The following PTPRR variants were observed in gnomAD, a reference collection of about 807,000 sequenced individuals.
PTPRR encodes the protein protein tyrosine phosphatase receptor type R.
Under a neutral mutation model 77.2 loss-of-function variants are expected in PTPRR, and 38 were observed. The ratio of observed to expected loss-of-function variants is 0.49; its 90% CI spans 0.38 to 0.65. The LOEUF is 0.65. Among genes scored for constraint, PTPRR ranks in the 30% least tolerant of loss-of-function variants. The pLI is 0.00. For synonymous variants in PTPRR, 299 were observed against 283.1 expected (o/e 1.06, Z -0.57); for missense variants, 744 against 799.2 (o/e 0.93, Z 0.83).
intron 2 of PTPRR, among the ~76,000 whole-genome samples, chr12:70,786,336 C>T (rs1377046737): frequency 1.3e-5 from 2 of 152,116 alleles, no homozygotes; most frequent in Non-Finnish European, 2.9e-5. Flanking sequence ...AATAATAATC[C>T]TTCAGCCCCC....
rs766564058 is a variant in PTPRR at position 70,656,779 on chromosome 12, G to A, written c.1805C>T (p.Ser602Phe). The change falls in exon 13 of 14, where the codon TCC (serine) becomes TTC (phenylalanine). Residue 602 changes from serine to phenylalanine, a missense_variant. Coordinates refer to ENST00000283228, the MANE Select transcript of PTPRR (RefSeq NM_002849.4). ...IGRTGCFIAT[S>F]IGCQQLKEEG... ...TTCTTTCAGCTGTTGACAGCCAATG[G>A]ATGTAGCAATAAAACACCCTGTTCT... is the stretch of plus-strand genomic sequence containing the variant. The A allele has an allele frequency of 6.2e-7, 1 of 1,613,794 alleles. No homozygotes were observed. The highest frequency in any genetic ancestry group is 2.2e-5 in the East Asian group (1 of 44,872).
intron 1 of PTPRR, 137 bp from the exon 2 acceptor site, chr12:70,893,114 TTGTC>T (rs758581225): frequency 6.3e-6 from 6 of 951,048 alleles, no homozygotes; most frequent in Non-Finnish European, 9.2e-6. Context: ...CCATATTTCT[TTGTC>T]TGCTTCATGA....
chr12:70,794,675 G>C (rs1351330870), intron 2 of PTPRR, among the ~76,000 whole-genome samples: 2 of 152,202 alleles, frequency 1.3e-5, no homozygotes, highest in Non-Finnish European at 2.9e-5. Context: ...GCCTCCGACA[G>C]CTGATCAATA....
At chr12:70,745,680 A>G (rs1890189342) in intron 6 of PTPRR, 138 bp downstream of exon 6, 1 of 1,007,354 alleles carries the variant, frequency 9.9e-7, no homozygotes, top group Non-Finnish European at 1.4e-6. Context: ...GACAAGAAAC[A>G]CTACTTCATC....
chr12:70,793,098 A>C (rs890882842), intron 2 of PTPRR, among the ~76,000 whole-genome samples: 3 of 152,214 alleles, frequency 2.0e-5, no homozygotes, highest in African/African-American at 4.8e-5. Context: ...ACAGATCATC[A>C]TATCAATTTG....
chr12:70,841,638 TAA>T (rs1400169455), intron 2 of PTPRR, among the ~76,000 whole-genome samples: 3 of 152,176 alleles, frequency 2.0e-5, no homozygotes, highest in African/African-American at 7.2e-5. Flanking sequence ...AAGTAAACAT[TAA>T]GTCTGACTTT....
At chr12:70,803,402 G>A (rs1365353203) in intron 2 of PTPRR, among the ~76,000 whole-genome samples, 1 of 152,134 alleles carries the variant, frequency 6.6e-6, no homozygotes, top group African/African-American at 2.4e-5. Flanking sequence ...AAGTCAATAT[G>A]TCCAGAGTTG....
chr12:70,760,704 C>G (rs1890671868), intron 4 of PTPRR, among the ~76,000 whole-genome samples: 1 of 152,178 alleles, frequency 6.6e-6, no homozygotes, highest in Non-Finnish European at 1.5e-5. Context: ...TTGAGGGAGT[C>G]ACTTAATTTC....
intron 2 of PTPRR, among the ~76,000 whole-genome samples, chr12:70,768,490 T>C (rs1292223812): frequency 2.0e-5 from 3 of 151,966 alleles, no homozygotes; most frequent in South Asian, 2.1e-4. Flanking sequence ...AGACCAAAAA[T>C]AGGATCTGAA....
chr12:70,667,128 T>C (rs772360271), intron 10 of PTPRR, among the ~76,000 whole-genome samples: 20 of 151,842 alleles, frequency 1.3e-4, no homozygotes, highest in Non-Finnish European at 1.6e-4. Flanking sequence ...GCTAATTTTT[T>C]GTATTTTTTA....
At chr12:70,654,955 T>C (rs1456626963) in intron 13 of PTPRR, among the ~76,000 whole-genome samples, 2 of 152,188 alleles carry the variant, frequency 1.3e-5, no homozygotes, top group Non-Finnish European at 2.9e-5. Flanking sequence ...AACAAAACTC[T>C]TGTTCCACTG....
chr12:70,826,005 C>A (rs1044536307), intron 2 of PTPRR, among the ~76,000 whole-genome samples: 13 of 152,072 alleles, frequency 8.5e-5, no homozygotes, highest in African/African-American at 2.9e-4. Context: ...GATTATTGAT[C>A]TTTTCAGAAA....
At chr12:70,743,174 C>A (rs537301630) in intron 6 of PTPRR, among the ~76,000 whole-genome samples, 1 of 151,656 alleles carries the variant, frequency 6.6e-6, no homozygotes, top group Non-Finnish European at 1.5e-5. Flanking sequence ...TGGAGGAGAC[C>A]GAAGGTAGCC....
At chr12:70,717,080 T>A (rs1889058615) in intron 6 of PTPRR, among the ~76,000 whole-genome samples, 1 of 152,226 alleles carries the variant, frequency 6.6e-6, no homozygotes. Context: ...GAATATTCTT[T>A]GTTTCTCTAA....
rs188166584 is a variant in PTPRR at position 70,900,295 on chromosome 12, T to C, written c.59-7318A>G. 5.3e-3 allele frequency among the ~76,000 whole-genome samples: 805 copies of C among 151,520 alleles called. 5 individuals carry two copies. Among genetic ancestry groups the C allele is most frequent in the African/African-American group, 0.016 (675 of 41,452 alleles). ...AGGTAGTGTAGTGTTGGCAAAGAAATAGACAAACAGATCAATGGTGCAAAA... is the reference window on the plus strand; with the variant it reads ...AGGTAGTGTAGTGTTGGCAAAGAAACAGACAAACAGATCAATGGTGCAAAA... On this transcript the variant is annotated intron_variant, in intron 1 of 13. Coordinates refer to ENST00000283228, the MANE Select transcript of PTPRR (RefSeq NM_002849.4).
chr12:70,842,428 G>C (rs968888027), intron 2 of PTPRR, among the ~76,000 whole-genome samples: 2 of 152,148 alleles, frequency 1.3e-5, no homozygotes, highest in Non-Finnish European at 2.9e-5. Flanking sequence ...CCACAAAATA[G>C]GTGGCTTAAA....
At chr12:70,646,128 G>A (rs1187602221) in intron 13 of PTPRR, among the ~76,000 whole-genome samples, 2 of 152,190 alleles carry the variant, frequency 1.3e-5, no homozygotes, top group African/African-American at 4.8e-5. Flanking sequence ...GTTTGGTACA[G>A]TAAATTTAGA....
chr12:70,884,752 G>T (rs529609701), intron 2 of PTPRR, among the ~76,000 whole-genome samples: 2 of 145,538 alleles, frequency 1.4e-5, no homozygotes, highest in South Asian at 4.3e-4. Flanking sequence ...GGCGCCTGTA[G>T]TCCCAGCTAC....
At chr12:70,870,099 A>G (rs1394841823) in intron 2 of PTPRR, among the ~76,000 whole-genome samples, 4 of 152,150 alleles carry the variant, frequency 2.6e-5, no homozygotes, top group Non-Finnish European at 5.9e-5. Context: ...ACTACTGTCT[A>G]TTAGAAGGCC....
Sources: gnomAD v4.1 joint callset for allele counts (sites outside exome capture counted in the v4.1 genomes callset) on GRCh38, gnomAD v4.1.1 for gene constraint, MANE v1.5 for transcripts, NCBI Gene and HGNC (gene_info 2026-07-23, HGNC 2026-07-21) for gene names.